LRBA: variants seen among roughly 807,000 people sequenced by gnomAD.
LRBA encodes LPS responsive beige-like anchor protein, also known as lipopolysaccharide-responsive and beige-like anchor protein.
Under a neutral mutation model 330.0 loss-of-function variants are expected in LRBA, and 176 were observed. The observed-to-expected ratio is 0.53, with a 90% CI of 0.47 to 0.60. The LOEUF is 0.60. Ranked by LOEUF, LRBA falls within the 20% of genes least tolerant of loss-of-function variation. The probability of loss-of-function intolerance (pLI) is 0.00; values close to 1 mark genes in which losing one functional copy is unlikely to be tolerated. For missense variants in LRBA, 3,259 were observed against 3,444.8 expected (o/e 0.95, Z 1.35); for synonymous variants, 1,230 against 1,193.0 (o/e 1.03, Z -0.64).
At chr4:150,325,301 T>C (rs936215417) in intron 49 of LRBA, among the ~76,000 whole-genome samples, 1 of 152,170 alleles carries the variant, frequency 6.6e-6, no homozygotes. Flanking sequence ...CAATACATGA[T>C]TGTTTTAAGC....
chr4:150,325,788 G>A (rs1733165917), intron 49 of LRBA, 21 bp downstream of exon 49: 1 of 1,509,538 alleles, frequency 6.6e-7, no homozygotes, highest in Non-Finnish European at 9.2e-7. Flanking sequence ...AAGAAATGAG[G>A]AGAGTAAAAA....
intron 40 of LRBA, chr4:150,579,830 G>A (rs770384686): frequency 2.4e-4 from 100 of 415,198 alleles, no homozygotes; most frequent in Non-Finnish European, 2.9e-5. Flanking sequence ...ACTCTCGGGA[G>A]CGTCGCGGGC....
chr4:150,962,960 A>T (rs1738323985), intron 2 of LRBA, among the ~76,000 whole-genome samples: 1 of 147,806 alleles, frequency 6.8e-6, no homozygotes, highest in Non-Finnish European at 1.5e-5. Context: ...TCTGAAAAAA[A>T]TAATAAATAA....
chr4:150,987,367 T>A (rs1453539573), intron 2 of LRBA, among the ~76,000 whole-genome samples: 1 of 152,190 alleles, frequency 6.6e-6, no homozygotes, highest in African/African-American at 2.4e-5. Flanking sequence ...CTTACAGAAG[T>A]ATGCATATAA....
chr4:150,913,184 C>G (rs139369042), intron 9 of LRBA, among the ~76,000 whole-genome samples: 1 of 152,290 alleles, frequency 6.6e-6, no homozygotes, highest in African/African-American at 2.4e-5. Flanking sequence ...AAGAAAAATG[C>G]AGGTCAGGTG....
chr4:150,469,222 C>T (rs1755807595), intron 43 of LRBA, among the ~76,000 whole-genome samples: 1 of 152,034 alleles, frequency 6.6e-6, no homozygotes, highest in Non-Finnish European at 1.5e-5. Flanking sequence ...TATTGAATAT[C>T]AACTGATGGC....
chr4:150,996,620 TA>T (rs1479618507), intron 2 of LRBA, among the ~76,000 whole-genome samples: 2 of 152,190 alleles, frequency 1.3e-5, no homozygotes, highest in East Asian at 3.8e-4. Flanking sequence ...AAATCAATGA[TA>T]AAAGTTTTAA....
intron 48 of LRBA, among the ~76,000 whole-genome samples, chr4:150,348,259 A>G (rs2127046884): frequency 6.6e-6 from 1 of 152,336 alleles, no homozygotes; most frequent in East Asian, 1.9e-4. Context: ...TGAGTGTACT[A>G]CTTGTTAACT....
intron 36 of LRBA, among the ~76,000 whole-genome samples, chr4:150,684,254 G>T (rs1237348160): frequency 6.6e-6 from 1 of 152,178 alleles, no homozygotes; most frequent in Non-Finnish European, 1.5e-5. Context: ...GAGAAGTGAA[G>T]TTGGCAGTTA....
intron 46 of LRBA, 118 bp from the exon 47 acceptor site, chr4:150,415,708 T>A: frequency 3.1e-6 from 2 of 636,774 alleles, no homozygotes; most frequent in Non-Finnish European, 2.6e-6. Flanking sequence ...ACAGGGAATT[T>A]TTTTTTCTTT....
chr4:150,548,945 T>C (rs1323165648), intron 40 of LRBA, among the ~76,000 whole-genome samples: 1 of 152,170 alleles, frequency 6.6e-6, no homozygotes, highest in African/African-American at 2.4e-5. Context: ...TACTATATTA[T>C]AAATGTTTAG....
chr4:150,978,960 G>A (rs1187533787), intron 2 of LRBA, among the ~76,000 whole-genome samples: 1 of 151,966 alleles, frequency 6.6e-6, no homozygotes, highest in African/African-American at 2.4e-5. Context: ...AAGAAATAGG[G>A]GTAGAAAGTC....
At chr4:150,593,001 C>G (rs1773081014) in intron 38 of LRBA, among the ~76,000 whole-genome samples, 2 of 151,926 alleles carry the variant, frequency 1.3e-5, no homozygotes, top group Admixed American at 1.3e-4. Flanking sequence ...AAAAACAGAA[C>G]TATGTTCTAA....
chr4:150,648,076 A>G (rs986206105), intron 37 of LRBA, among the ~76,000 whole-genome samples: 1 of 148,636 alleles, frequency 6.7e-6, no homozygotes, highest in African/African-American at 2.5e-5. Context: ...AAATAAAGAG[A>G]TACCCAAGCA....
chr4:151,013,980 CA>C (rs1745142029), intron 2 of LRBA: 1 of 153,564 alleles, frequency 6.5e-6, no homozygotes, highest in African/African-American at 2.4e-5. Context: ...CTTGCATCAG[CA>C]CTACAAACAA....
At chr4:150,845,329 T>C (rs1749694493) in intron 26 of LRBA, among the ~76,000 whole-genome samples, 1 of 152,176 alleles carries the variant, frequency 6.6e-6, no homozygotes, top group African/African-American at 2.4e-5. Context: ...AGAAGCTTTA[T>C]AGGGTCCAGC....
At chr4:150,952,661 G>A (rs1261508465) in intron 2 of LRBA, among the ~76,000 whole-genome samples, 3 of 152,008 alleles carry the variant, frequency 2.0e-5, no homozygotes. Context: ...GCGTGGGGTG[G>A]GCGGGGTGGA....
intron 34 of LRBA, among the ~76,000 whole-genome samples, chr4:150,792,322 C>A (rs888756654): frequency 6.6e-6 from 1 of 151,810 alleles, no homozygotes; most frequent in Non-Finnish European, 1.5e-5. Flanking sequence ...TAAAACTAAT[C>A]CACAGTAATA....
intron 37 of LRBA, among the ~76,000 whole-genome samples, chr4:150,617,398 T>C (rs1475632944): frequency 1.3e-5 from 2 of 152,176 alleles, no homozygotes; most frequent in African/African-American, 4.8e-5. Flanking sequence ...TCCCAGCACT[T>C]TGGGAGGCCA....
Sources: gnomAD v4.1 joint callset for allele counts (sites outside exome capture counted in the v4.1 genomes callset) on GRCh38, gnomAD v4.1.1 for gene constraint, MANE v1.5 for transcripts, NCBI Gene and HGNC (gene_info 2026-07-23, HGNC 2026-07-21) for gene names.